Variants in STXBP5L observed in about 807,000 individuals in gnomAD.
STXBP5L encodes syntaxin binding protein 5L, also known as syntaxin-binding protein 5-like.
Under a neutral mutation model 144.5 loss-of-function variants are expected in STXBP5L, and 65 were observed. That is an observed-to-expected ratio of 0.45 (90% confidence interval 0.37 to 0.55). STXBP5L has a LOEUF of 0.55. STXBP5L is among the 20% of genes least tolerant of loss of function. STXBP5L has a pLI of 0.00. For synonymous variants in STXBP5L, 505 were observed against 469.6 expected, an observed-to-expected ratio of 1.08 and a Z score of -0.97; for missense variants, 1,298 against 1,405.5, an observed-to-expected ratio of 0.92 and a Z score of 1.22.
intron 20 of STXBP5L, among the ~76,000 whole-genome samples, chr3:121,342,401 G>A (rs930359012): frequency 6.6e-5 from 10 of 151,820 alleles, no homozygotes; most frequent in Non-Finnish European, 1.3e-4. Context: ...CAATGTGCAG[G>A]TTAGTTACAT....
intron 2 of STXBP5L, among the ~76,000 whole-genome samples, chr3:120,949,355 T>C (rs555275091): frequency 4.6e-5 from 7 of 152,226 alleles, no homozygotes; most frequent in African/African-American, 1.4e-4. Context: ...TTTTCTCCCA[T>C]TCTGTGGGTT....
At chr3:120,909,430 T>C in intron 1 of STXBP5L, 141 bp from the exon 2 acceptor site, 1 of 712,838 alleles carries the variant, frequency 1.4e-6, no homozygotes, top group Non-Finnish European at 2.2e-6. Flanking sequence ...GAATCCTGAC[T>C]CTTTTTTTCC....
intron 2 of STXBP5L, among the ~76,000 whole-genome samples, chr3:120,950,461 A>T (rs1478937367): frequency 6.6e-6 from 1 of 152,074 alleles, no homozygotes; most frequent in East Asian, 1.9e-4. Context: ...TGAGTTACCT[A>T]ACTTTGTTCT....
At chr3:121,134,718 C>T (rs1164720886) in intron 7 of STXBP5L, among the ~76,000 whole-genome samples, 1 of 152,140 alleles carries the variant, frequency 6.6e-6, no homozygotes, top group Non-Finnish European at 1.5e-5. Flanking sequence ...ATCCATGTCC[C>T]TGCAAAGGAC....
At chr3:121,341,143 G>A (rs989859354) in intron 20 of STXBP5L, among the ~76,000 whole-genome samples, 31 of 152,070 alleles carry the variant, frequency 2.0e-4, no homozygotes, top group African/African-American at 7.0e-4. Context: ...AATATATAAG[G>A]AGCTCAAACA....
chr3:121,165,976 A>ATTCTT (rs1553723413), intron 9 of STXBP5L, among the ~76,000 whole-genome samples: 1 of 152,066 alleles, frequency 6.6e-6, no homozygotes, highest in Non-Finnish European at 1.5e-5. Flanking sequence ...GTTCCATTCT[A>ATTCTT]TTCTCAAATG....
Position 121,421,636 on chromosome 3 carries a change from T to A in STXBP5L, c.*2539T>A, listed in dbSNP as rs1235425500. 1 of 152,204 alleles carries A rather than the reference T, an allele frequency of 6.6e-6. No individual in the cohort carries two copies. Among genetic ancestry groups the A allele is most frequent in the Non-Finnish European group, 1.5e-5 (1 of 68,024 alleles). 9.4% of individuals were successfully genotyped at this position (152,204 alleles called of 1,614,324 possible). On this transcript the variant is annotated 3_prime_UTR_variant, in exon 27 of 27. Coordinates refer to ENST00000471454, the MANE Select transcript of STXBP5L (RefSeq NM_001308330.2). ...ATAAATTATTATACCCAAAATTACA[T>A]GTGTGGTTCATATGCAATAAGATAC... is the stretch of plus-strand genomic sequence containing the variant.
chr3:121,196,006 T>C (rs952420951), intron 9 of STXBP5L, among the ~76,000 whole-genome samples: 3 of 152,218 alleles, frequency 2.0e-5, no homozygotes, highest in African/African-American at 7.2e-5. Flanking sequence ...GTTATTCTTG[T>C]TCAATAGTAC....
chr3:121,136,781 A>G lies in STXBP5L; in HGVS notation c.669+15077A>G, dbSNP rs150451077. Reference sequence around the variant, plus strand: ...CTACCATAAAGACACATGCGTGTGTATGTTCATTGCGGTACTATTCACAAT... The same window carrying G: ...CTACCATAAAGACACATGCGTGTGTGTGTTCATTGCGGTACTATTCACAAT... On this transcript the variant is annotated intron_variant, in intron 7 of 26. Transcript: ENST00000471454. Among the ~76,000 whole-genome samples, 201 of 152,334 alleles carry G rather than the reference A, an allele frequency of 1.3e-3. 1 individual carries two copies. The highest frequency in any genetic ancestry group is 4.5e-3 in the African/African-American group (186 of 41,570).
Position 121,233,677 on chromosome 3 carries a change from G to T in STXBP5L, c.1173G>T (p.Leu391=). 2 of 1,611,532 alleles carry T rather than the reference G, an allele frequency of 1.2e-6. No individual in the cohort carries two copies. The highest frequency in any genetic ancestry group is 2.2e-5 in the South Asian group (2 of 90,872). ...LLEKDLIVVD[L]TQSNFPIFEN... is the part of the protein sequence containing the mutation. Reference sequence around the variant, plus strand: ...AGAAAGATCTCATTGTAGTTGATCTGACACAAAGCAAGTAAGTTATCCATG... The same window carrying T: ...AGAAAGATCTCATTGTAGTTGATCTTACACAAAGCAAGTAAGTTATCCATG... Residue 391 remains leucine (L), a synonymous_variant, in exon 12 of 27, where the codon CTG becomes CTT. Transcript: ENST00000471454.
chr3:121,016,728 T>G (rs1016842205), intron 3 of STXBP5L, among the ~76,000 whole-genome samples: 4 of 152,112 alleles, frequency 2.6e-5, no homozygotes, highest in African/African-American at 4.8e-5. Context: ...TGTAGCAAAC[T>G]CACATGAGGA....
At chr3:121,210,378 G>T (rs954429858) in intron 10 of STXBP5L, among the ~76,000 whole-genome samples, 1 of 151,946 alleles carries the variant, frequency 6.6e-6, no homozygotes, top group South Asian at 2.1e-4. Context: ...CATTCTGTAG[G>T]TTGCCTGTTC....
intron 5 of STXBP5L, among the ~76,000 whole-genome samples, chr3:121,110,307 G>T (rs2043918786): frequency 6.6e-6 from 1 of 152,158 alleles, no homozygotes; most frequent in South Asian, 2.1e-4. Flanking sequence ...AGAGTCATTG[G>T]TCTTTGTACT....
chr3:121,381,189 A>C, intron 21 of STXBP5L, 104 bp from the exon 22 acceptor site: 1 of 1,193,620 alleles, frequency 8.4e-7, no homozygotes, highest in Non-Finnish European at 1.2e-6. Context: ...CAAACAATGA[A>C]ATTTTACTTC....
chr3:121,399,622 G>A (rs900236424), intron 22 of STXBP5L, among the ~76,000 whole-genome samples: 3 of 152,158 alleles, frequency 2.0e-5, no homozygotes, highest in Admixed American at 2.0e-4. Context: ...GAATAAGTTG[G>A]GCTAGTTAAC....
chr3:121,326,350 C>T (rs2044148025), intron 20 of STXBP5L, among the ~76,000 whole-genome samples: 2 of 151,842 alleles, frequency 1.3e-5, no homozygotes, highest in South Asian at 4.1e-4. Flanking sequence ...AGAATGCTTG[C>T]TTTTTTGTTT....
At chr3:120,994,418 G>A (rs1415892747) in intron 3 of STXBP5L, among the ~76,000 whole-genome samples, 1 of 152,044 alleles carries the variant, frequency 6.6e-6, no homozygotes, top group African/African-American at 2.4e-5. Context: ...GATGTTAGCT[G>A]TGGGTTTATC....
chr3:120,989,733 G>C (rs1942647214), intron 3 of STXBP5L, among the ~76,000 whole-genome samples: 1 of 152,016 alleles, frequency 6.6e-6, no homozygotes, highest in African/African-American at 2.4e-5. Flanking sequence ...ATTTAGGATT[G>C]TTATGTCCCA....
At chr3:121,258,643 A>G (rs1449040116) in intron 17 of STXBP5L, among the ~76,000 whole-genome samples, 1 of 152,110 alleles carries the variant, frequency 6.6e-6, no homozygotes, top group Non-Finnish European at 1.5e-5. Flanking sequence ...AGGAATTCAG[A>G]TGCTAGATAT....
Sources: allele counts gnomAD v4.1 joint callset (sites outside exome capture counted in the v4.1 genomes callset), GRCh38; gene constraint gnomAD v4.1.1; transcripts MANE v1.5; gene names NCBI Gene and HGNC (gene_info 2026-07-23, HGNC 2026-07-21).